ATP8A2: variants seen among roughly 807,000 people sequenced by gnomAD.
ATP8A2 encodes ATPase phospholipid transporting 8A2.
ATP8A2 carries 100 observed loss-of-function variants against 165.6 expected under a neutral mutation model. That is an observed-to-expected ratio of 0.60 (90% CI 0.51 to 0.71). The LOEUF (loss-of-function observed/expected upper bound fraction) is 0.71, where lower values mean the gene tolerates loss of function less well. Among genes scored for constraint, ATP8A2 ranks in the 30% least tolerant of loss-of-function variants. The pLI, the probability that ATP8A2 is intolerant of heterozygous loss-of-function variation, is 0.00. For missense variants in ATP8A2, 1,227 were observed against 1,479.5 expected (o/e 0.83, Z 2.80); for synonymous variants, 543 against 548.8 (o/e 0.99, Z 0.15).
chr13:25,859,878 T>C (rs1454759105), intron 30 of ATP8A2, among the ~76,000 whole-genome samples: 4 of 152,250 alleles, frequency 2.6e-5, no homozygotes, highest in Non-Finnish European at 4.4e-5. Context: ...TAGATGAGTA[T>C]GTTCTTACTC....
In ATP8A2 at chr13:25,394,150, G is replaced by A. The variant is rs141019974; in HGVS notation, c.76+21862G>A. On this transcript the variant is annotated intron_variant, in intron 1 of 36. Coordinates refer to ENST00000381655, the MANE Select transcript of ATP8A2 (RefSeq NM_016529.6). ...AAAGCAGGTTGTAAAGATTCTGATG[G>A]ATGGTTTCAGTATTTTAGGTGGAGT... is the stretch of plus-strand genomic sequence containing the variant. Among the ~76,000 whole-genome samples the A allele has an allele frequency of 5.9e-5, 9 of 151,936 alleles. No homozygotes were observed. In the East Asian group the frequency reaches 1.7e-3, roughly 29 times the overall value.
intron 25 of ATP8A2, among the ~76,000 whole-genome samples, chr13:25,725,246 C>A (rs149602219): frequency 6.6e-6 from 1 of 152,218 alleles, no homozygotes; most frequent in Non-Finnish European, 1.5e-5. Context: ...TACTTCCTGT[C>A]CTCTGTGAGC....
intron 1 of ATP8A2, among the ~76,000 whole-genome samples, chr13:25,433,319 C>T (rs2034666056): frequency 6.6e-6 from 1 of 152,106 alleles, no homozygotes; most frequent in Non-Finnish European, 1.5e-5. Context: ...GTCTCCCAGG[C>T]TGGAGTGCAG....
chr13:25,484,088 C>T (rs1031201533), intron 2 of ATP8A2, among the ~76,000 whole-genome samples: 2 of 152,124 alleles, frequency 1.3e-5, no homozygotes, highest in African/African-American at 4.8e-5. Context: ...GGCTGGACTG[C>T]GAGCATAAGA....
chr13:25,917,826 T>C (rs1954313693), intron 33 of ATP8A2, among the ~76,000 whole-genome samples: 4 of 152,244 alleles, frequency 2.6e-5, no homozygotes, highest in Admixed American at 2.6e-4. Flanking sequence ...CCAGCAAGTA[T>C]AAAAATAATT....
chr13:25,942,611 A>G (rs1955101652), intron 33 of ATP8A2, among the ~76,000 whole-genome samples: 1 of 152,156 alleles, frequency 6.6e-6, no homozygotes. Flanking sequence ...TTAAGTACAG[A>G]TGGGGTTTCA....
chr13:25,888,801 A>C (rs891954490), intron 33 of ATP8A2, among the ~76,000 whole-genome samples: 2 of 152,182 alleles, frequency 1.3e-5, no homozygotes, highest in Non-Finnish European at 2.9e-5. Context: ...GGAGGTTGCG[A>C]TGAGTCAAGA....
chr13:25,945,940 G>A (rs902654431), intron 33 of ATP8A2, among the ~76,000 whole-genome samples: 2 of 152,130 alleles, frequency 1.3e-5, no homozygotes, highest in African/African-American at 4.8e-5. Context: ...ATTTGTGGAA[G>A]GAAGAAGTAT....
At chr13:25,643,333 C>T (rs1593122926) in intron 24 of ATP8A2, among the ~76,000 whole-genome samples, 1 of 152,072 alleles carries the variant, frequency 6.6e-6, no homozygotes, top group East Asian at 1.9e-4. Context: ...ATCATGTTTT[C>T]ATCCTTTCTT....
chr13:25,469,438 CT>C (rs1349010340), intron 2 of ATP8A2, among the ~76,000 whole-genome samples: 1 of 152,234 alleles, frequency 6.6e-6, no homozygotes, highest in African/African-American at 2.4e-5. Flanking sequence ...GGGCTTCCTT[CT>C]CGGAACCCCT....
intron 33 of ATP8A2, among the ~76,000 whole-genome samples, chr13:25,931,319 A>T (rs1954763528): frequency 6.6e-6 from 1 of 152,252 alleles, no homozygotes; most frequent in Non-Finnish European, 1.5e-5. Flanking sequence ...TATCTCCAGG[A>T]TACCTCATGA....
At position 25,414,097 on chromosome 13, in the gene ATP8A2, C is replaced by T. The variant is rs1352847699; in HGVS notation, c.76+41809C>T. On this transcript the variant is annotated intron_variant, in intron 1 of 36. Coordinates refer to ENST00000381655, the MANE Select transcript of ATP8A2 (RefSeq NM_016529.6). ...ACTCCCAGATTAGGAAACCGGGACC[C>T]ACAGAGACCAGATGACTTGTCAATA... Among the ~76,000 whole-genome samples the T allele has an allele frequency of 2.0e-5, 3 of 151,910 alleles. No individual in the cohort carries two copies. In the South Asian group the frequency reaches 6.2e-4, roughly 32 times the overall value.
chr13:25,785,022 C>T (rs2044989439), intron 27 of ATP8A2, among the ~76,000 whole-genome samples: 1 of 151,980 alleles, frequency 6.6e-6, no homozygotes, highest in Non-Finnish European at 1.5e-5. Flanking sequence ...CTCGGCCTCC[C>T]AAAGTGCCGG....
Position 25,813,369 on chromosome 13 carries a change from G to T in ATP8A2, c.2680-14749G>T, listed in dbSNP as rs78954024. 1.3e-3 allele frequency among the ~76,000 whole-genome samples: 155 copies of T among 123,010 alleles called. 4 individuals are homozygous for T. In the East Asian group the frequency reaches 0.03, roughly 24 times the overall value. 80.7% of individuals were successfully genotyped at this position (123,010 alleles called of 152,430 possible). A position where few individuals can be genotyped will look rare whatever the true frequency, so the allele number is the denominator to read the frequency against. On this transcript the variant is annotated intron_variant, in intron 27 of 36. Coordinates refer to ENST00000381655, the MANE Select transcript of ATP8A2 (RefSeq NM_016529.6). Reference sequence around the variant, plus strand: ...TCCAGTGGGAGAGACAGGCAAGCCAGCCAGGATGATGATATATGATATGAT... The same window carrying T: ...TCCAGTGGGAGAGACAGGCAAGCCATCCAGGATGATGATATATGATATGAT...
At chr13:25,903,114 C>T (rs1024801564) in intron 33 of ATP8A2, among the ~76,000 whole-genome samples, 1 of 152,004 alleles carries the variant, frequency 6.6e-6, no homozygotes, top group African/African-American at 2.4e-5. Flanking sequence ...GAAACTCCGT[C>T]TCAAAAACAA....
At chr13:25,697,478 G>A (rs1205404225) in intron 24 of ATP8A2, among the ~76,000 whole-genome samples, 2 of 152,204 alleles carry the variant, frequency 1.3e-5, no homozygotes, top group East Asian at 1.9e-4. Flanking sequence ...ATGGGTTTTC[G>A]TCATGTTGGC....
intron 27 of ATP8A2, among the ~76,000 whole-genome samples, chr13:25,789,823 C>T (rs988236194): frequency 6.6e-6 from 1 of 152,190 alleles, no homozygotes; most frequent in East Asian, 1.9e-4. Flanking sequence ...TACCTGACTT[C>T]AAACTATGCT....
In ATP8A2 at chr13:25,458,535, G is replaced by A. The variant is rs118128371; in HGVS notation, c.77-10442G>A. Among the ~76,000 whole-genome samples, 736 of 152,326 alleles carry A rather than the reference G, an allele frequency of 4.8e-3. 2 individuals are homozygous for A. The highest frequency in any genetic ancestry group is 7.3e-3 in the Non-Finnish European group (496 of 68,038). ...CTGCAGAAGCCTCATGTGTTAGGGC[G>A]CACCTGCAATTCCAGCCACTATAAT... On this transcript the variant is annotated intron_variant, in intron 1 of 36. Coordinates refer to ENST00000381655, the MANE Select transcript of ATP8A2 (RefSeq NM_016529.6).
At chr13:25,745,086 G>T (rs7334476) in intron 25 of ATP8A2, among the ~76,000 whole-genome samples, 1 of 151,952 alleles carries the variant, frequency 6.6e-6, no homozygotes, top group Non-Finnish European at 1.5e-5. Flanking sequence ...GACTACAGGC[G>T]CCTGCCACCA....
Sources: gnomAD v4.1 joint callset for allele counts (sites outside exome capture counted in the v4.1 genomes callset) on GRCh38, gnomAD v4.1.1 for gene constraint, MANE v1.5 for transcripts, NCBI Gene and HGNC (gene_info 2026-07-23, HGNC 2026-07-21) for gene names.